Variants in PCDHGA2 observed in about 807,000 individuals in gnomAD.
PCDHGA2 encodes protocadherin gamma-A2.
In PCDHGA2, 40 loss-of-function variants were observed where a neutral mutation model predicts 59.2. The observed-to-expected ratio is 0.68, with a 90% confidence interval of 0.52 to 0.88. The LOEUF is 0.88. PCDHGA2 is among the 40% of genes least tolerant of loss of function. The pLI, the probability that PCDHGA2 is intolerant of heterozygous loss-of-function variation, is 0.00. For missense variants in PCDHGA2, 1,226 were observed against 1,204.0 expected, an observed-to-expected ratio of 1.02 and a Z score of -0.27; for synonymous variants, 560 against 526.0, an observed-to-expected ratio of 1.06 and a Z score of -0.89.
intron 1 of PCDHGA2, among the ~76,000 whole-genome samples, chr5:141,455,406 CAG>C (rs1306843200): frequency 3.3e-5 from 5 of 152,226 alleles, no homozygotes; most frequent in Non-Finnish European, 5.9e-5. Flanking sequence ...CTTACAGAGA[CAG>C]AGGGAGCGGG....
chr5:141,343,877 A>T, intron 1 of PCDHGA2: 1 of 616,594 alleles, frequency 1.6e-6, no homozygotes, highest in Non-Finnish European at 2.7e-6. Context: ...TCAGACTCAG[A>T]AGATCCGGGG....
chr5:141,430,033 C>T (rs556099456), intron 1 of PCDHGA2, among the ~76,000 whole-genome samples: 1 of 152,066 alleles, frequency 6.6e-6, no homozygotes, highest in Non-Finnish European at 1.5e-5. Context: ...AAGTGTGATT[C>T]TGATAATGTA....
chr5:141,407,471 A>G (rs1343289603), intron 1 of PCDHGA2, among the ~76,000 whole-genome samples: 1 of 146,104 alleles, frequency 6.8e-6, no homozygotes, highest in African/African-American at 2.5e-5. Context: ...AGATGACTGA[A>G]TGGAGTATGG....
intron 1 of PCDHGA2, chr5:141,384,126 C>T (rs749225079): frequency 1.9e-6 from 3 of 1,610,938 alleles, no homozygotes; most frequent in Non-Finnish European, 2.5e-6. Context: ...CAACCAAAAA[C>T]TTGGACCGGG....
chr5:141,340,538 G>A lies in PCDHGA2; in HGVS notation c.1567G>A (p.Glu523Lys). 1 of 1,614,224 alleles carries A rather than the reference G, an allele frequency of 6.2e-7. No homozygotes were observed. The highest frequency in any genetic ancestry group is 8.5e-7 in the Non-Finnish European group (1 of 1,180,042). ...CTATGCACTGCGCTCCTTTGATTAT[G>A]AGCAGTTGCGAGACTTGCAAGTGTG... ...VLYALRSFDY[E>K]QLRDLQVWVI... Residue 523 changes from glutamate (E) to lysine (K), a missense_variant, in exon 1 of 4, where the codon GAG becomes AAG. Transcript: ENST00000394576.
chr5:141,476,699 G>C lies in PCDHGA2; in HGVS notation c.2425-18108G>C. 1 of 1,614,222 alleles carries C rather than the reference G, an allele frequency of 6.2e-7. No individual in the cohort carries two copies. The highest frequency in any genetic ancestry group is 8.5e-7 in the Non-Finnish European group (1 of 1,180,042). ...GCGGGAGGACAGCACCAAGTACGCG[G>C]AGCTGGTGTTGGAGCGCGCCCTGGA... is the stretch of plus-strand genomic sequence containing the variant. On this transcript the variant is annotated intron_variant, in intron 1 of 3. Transcript: ENST00000394576. The surrounding 1 kb of genome is among the most constrained non-coding windows in gnomAD (Gnocchi z 7.6).
At chr5:141,427,573 T>C in intron 1 of PCDHGA2, 1 of 667,160 alleles carries the variant, frequency 1.5e-6, no homozygotes, top group Non-Finnish European at 2.8e-6. Context: ...AAGCCTCCGC[T>C]CTCATCCAGC....
intron 1 of PCDHGA2, chr5:141,390,402 A>G: frequency 1.5e-6 from 2 of 1,321,630 alleles, no homozygotes; most frequent in Non-Finnish European, 2.1e-6. Flanking sequence ...CATTTTAGGA[A>G]AGTTGTAGTC....
In PCDHGA2 at chr5:141,486,223, C is replaced by G. The variant is rs1164723634; in HGVS notation, c.2425-8584C>G. ...ACGTAAATGACAATGCCCCTTACATCACAGTGACCTCAGAGCTTGGAACCC... is the reference window on the plus strand; with the variant it reads ...ACGTAAATGACAATGCCCCTTACATGACAGTGACCTCAGAGCTTGGAACCC... On this transcript the variant is annotated intron_variant, in intron 1 of 3. Coordinates refer to ENST00000394576, the MANE Select transcript of PCDHGA2 (RefSeq NM_018915.4). The surrounding 1 kb of genome is among the most constrained non-coding windows in gnomAD (Gnocchi z 5.0). The G allele has an allele frequency of 6.2e-7, 1 of 1,614,148 alleles. No homozygotes were observed. Among genetic ancestry groups the G allele is most frequent in the Admixed American group, 1.7e-5 (1 of 60,032 alleles).
At position 141,486,720 on chromosome 5, in the gene PCDHGA2, C is replaced by G; in HGVS notation, c.2425-8087C>G. ...ATCTCTCTGAACCCCCAGACAGGAG[C>G]TGTTCATGCTACTCGATCCTTTGAC... On this transcript the variant is annotated intron_variant, in intron 1 of 3. Coordinates refer to ENST00000394576, the MANE Select transcript of PCDHGA2 (RefSeq NM_018915.4). This position sits in a 1 kb window ranked among gnomAD's most constrained non-coding sequence, Gnocchi z 5.0. The G allele has an allele frequency of 6.2e-7, 1 of 1,614,216 alleles. No homozygotes were observed. Among genetic ancestry groups the G allele is most frequent in the Non-Finnish European group, 8.5e-7 (1 of 1,180,038 alleles).
At chr5:141,399,075 A>C (rs759361503) in intron 1 of PCDHGA2, 1 of 1,613,868 alleles carries the variant, frequency 6.2e-7, no homozygotes, top group Non-Finnish European at 8.5e-7. Flanking sequence ...TGGTTGTAGA[A>C]GGGAGGGATG....
chr5:141,403,729 C>G (rs1409756180), intron 1 of PCDHGA2: 1 of 1,613,896 alleles, frequency 6.2e-7, no homozygotes, highest in Non-Finnish European at 8.5e-7. Context: ...CCCCAGGCAC[C>G]TGGCTGCTTA....
At chr5:141,414,046 A>G (rs780040293) in intron 1 of PCDHGA2, 1 of 1,611,254 alleles carries the variant, frequency 6.2e-7, no homozygotes, top group Non-Finnish European at 8.5e-7. Context: ...ATTACCTGAC[A>G]CGCAATTGTT....
intron 1 of PCDHGA2, chr5:141,422,849 C>A: frequency 1.2e-6 from 2 of 1,614,238 alleles, no homozygotes; most frequent in Non-Finnish European, 8.5e-7. Context: ...AGCGGGGACC[C>A]GCCCCTCAGC....
intron 1 of PCDHGA2, among the ~76,000 whole-genome samples, chr5:141,451,403 G>A (rs2154563571): frequency 6.6e-6 from 1 of 152,288 alleles, no homozygotes; most frequent in South Asian, 2.1e-4. Context: ...GCAAAATTAA[G>A]TTCCTTGTGG....
chr5:141,509,785 C>T (rs1445220885), intron 3 of PCDHGA2, among the ~76,000 whole-genome samples: 1 of 152,166 alleles, frequency 6.6e-6, no homozygotes, highest in African/African-American at 2.4e-5. Context: ...CCGAGATCAT[C>T]ATCTCCTCAG....
intron 1 of PCDHGA2, chr5:141,402,791 C>A: frequency 1.0e-6 from 1 of 998,930 alleles, no homozygotes; most frequent in Non-Finnish European, 1.4e-6. Context: ...TCTGCGGCTA[C>A]ACAAAACCCG....
At chr5:141,461,009 A>T (rs1407993113) in intron 1 of PCDHGA2, among the ~76,000 whole-genome samples, 1 of 151,542 alleles carries the variant, frequency 6.6e-6, no homozygotes, top group Admixed American at 6.6e-5. Flanking sequence ...GTATATATAT[A>T]TACCACATTT....
chr5:141,367,008 A>G (rs1359337348), intron 1 of PCDHGA2: 3 of 436,014 alleles, frequency 6.9e-6, no homozygotes, highest in Admixed American at 4.1e-5. Flanking sequence ...CATTTTACCC[A>G]AATATTTTGT....
Sources: allele counts gnomAD v4.1 joint callset (sites outside exome capture counted in the v4.1 genomes callset), GRCh38; gene constraint gnomAD v4.1.1; non-coding constraint Gnocchi (gnomAD v3.1); transcripts MANE v1.5; gene names NCBI Gene and HGNC (gene_info 2026-07-23, HGNC 2026-07-21).